TRIP4: variants seen among roughly 807,000 people sequenced by gnomAD.
TRIP4 encodes the protein activating signal cointegrator 1.
TRIP4 carries 54 observed loss-of-function variants against 81.8 expected under a neutral mutation model. That is an observed-to-expected ratio of 0.66 (90% CI 0.53 to 0.83). The LOEUF (loss-of-function observed/expected upper bound fraction) is 0.83. TRIP4 is among the 40% of genes least tolerant of loss of function. TRIP4 has a pLI of 0.00. For synonymous variants in TRIP4, 270 were observed against 242.8 expected, an observed-to-expected ratio of 1.11 and a Z score of -1.04; for missense variants, 662 against 683.6, an observed-to-expected ratio of 0.97 and a Z score of 0.35.
chr15:64,441,271 C>T (rs1892512578), intron 11 of TRIP4, among the ~76,000 whole-genome samples: 1 of 151,570 alleles, frequency 6.6e-6, no homozygotes, highest in Non-Finnish European at 1.5e-5. Flanking sequence ...GCTGGGATTA[C>T]AGGTGTGAGC....
chr15:64,445,197 T>C, intron 12 of TRIP4, 89 bp downstream of exon 12: 1 of 656,908 alleles, frequency 1.5e-6, no homozygotes. Flanking sequence ...AATCTATAAC[T>C]GACTGTGAAC....
chr15:64,423,751 A>G (rs748778495), intron 9 of TRIP4, among the ~76,000 whole-genome samples: 65 of 152,194 alleles, frequency 4.3e-4, no homozygotes, highest in Non-Finnish European at 8.4e-4. Flanking sequence ...TCAGGGTTCC[A>G]AATCTGAGTT....
At chr15:64,426,080 C>T (rs370045068) in intron 11 of TRIP4, among the ~76,000 whole-genome samples, 20 of 151,560 alleles carry the variant, frequency 1.3e-4, no homozygotes, top group East Asian at 7.7e-4. Context: ...GAGATTCCTT[C>T]TGGGGGAAAA....
chr15:64,427,952 C>T (rs1296873473), intron 11 of TRIP4, among the ~76,000 whole-genome samples: 5 of 151,806 alleles, frequency 3.3e-5, no homozygotes, highest in Non-Finnish European at 7.4e-5. Flanking sequence ...TCTTCCTCCC[C>T]CCTCTTTTTT....
chr15:64,413,563 A>G (rs117263797), intron 7 of TRIP4, among the ~76,000 whole-genome samples: 2,262 of 151,796 alleles, frequency 0.015, 23 homozygotes, highest in Middle Eastern at 0.034. Context: ...TTTTCTTGGT[A>G]TTCTGGAACT....
At chr15:64,404,203 T>C (rs1043411991) in intron 5 of TRIP4, among the ~76,000 whole-genome samples, 1 of 151,898 alleles carries the variant, frequency 6.6e-6, no homozygotes, top group African/African-American at 2.4e-5. Context: ...AAAAAAAAAA[T>C]CATATTAATC....
chr15:64,441,700 G>A (rs1351213957), intron 11 of TRIP4, among the ~76,000 whole-genome samples: 1 of 152,118 alleles, frequency 6.6e-6, no homozygotes, highest in Non-Finnish European at 1.5e-5. Flanking sequence ...GTGAACCCGG[G>A]AGATGGAGCT....
Position 64,397,711 on chromosome 15 carries a change from T to C in TRIP4, c.511T>C (p.Cys171Arg). Residue 171 changes from cysteine (C) to arginine (R), a missense_variant, in exon 4 of 13, where the codon TGT becomes CGT. Cys to Arg is a radical substitution (Grantham distance 180). Transcript: ENST00000261884. The stretch of plus-strand genomic sequence containing the variant: ...AGTCCTGCTCCCTGGTCGTCACCCT[T>C]GTGATTGCCTGGGCCAGAAGCACAA... ...LAVLLPGRHP[C>R]DCLGQKHKLI... 6.2e-7 allele frequency: 1 copy of C among 1,614,250 alleles called. No homozygotes were observed. The highest frequency in any genetic ancestry group is 8.5e-7 in the Non-Finnish European group (1 of 1,180,040).
intron 8 of TRIP4, among the ~76,000 whole-genome samples, chr15:64,415,383 G>A (rs1028615692): frequency 2.6e-5 from 4 of 152,144 alleles, no homozygotes; most frequent in Non-Finnish European, 4.4e-5. Context: ...CTGTAACAAA[G>A]TACCACAAAT....
rs572490744 is a variant in TRIP4, at chr15:64,417,730, C to T, written c.1171-811C>T. 3.3e-5 allele frequency among the ~76,000 whole-genome samples: 5 copies of T among 152,294 alleles called. No homozygotes were observed. The East Asian group carries it at 9.7e-4, about 29-fold the overall frequency. ...TTCATTTCAGGGTAAGAGAATATTT[C>T]ATGCATCCAGTAGTCAGAACTGCTG... is the stretch of plus-strand genomic sequence containing the variant. On this transcript the variant is annotated intron_variant, in intron 8 of 12. Transcript: ENST00000261884.
chr15:64,391,642 G>A (rs1212015453), intron 1 of TRIP4, among the ~76,000 whole-genome samples: 1 of 151,872 alleles, frequency 6.6e-6, no homozygotes, highest in Non-Finnish European at 1.5e-5. Context: ...TTATTCAAAT[G>A]GTTCTGAAAC....
chr15:64,409,268 G>A (rs1891705829), intron 6 of TRIP4, among the ~76,000 whole-genome samples: 1 of 152,022 alleles, frequency 6.6e-6, no homozygotes, highest in African/African-American at 2.4e-5. Context: ...AATAAGCCTA[G>A]CAAGAATAGG....
At chr15:64,397,905 GT>G (rs978127889) in intron 4 of TRIP4, 87 bp downstream of exon 4, 191 of 1,416,766 alleles carry the variant, frequency 1.3e-4, no homozygotes, top group Admixed American at 2.0e-4. Context: ...CTCTTTTTTT[GT>G]TTTTTTTTGG....
At chr15:64,396,274 T>C in intron 3 of TRIP4, among the ~76,000 whole-genome samples, 1 of 14,876 alleles carries the variant, frequency 6.7e-5, no homozygotes, top group Non-Finnish European at 8.9e-4. Context: ...TGCTTTTTTT[T>C]TTTTTTTTTT....
At chr15:64,430,628 G>A (rs1367057294) in intron 11 of TRIP4, among the ~76,000 whole-genome samples, 1 of 152,202 alleles carries the variant, frequency 6.6e-6, no homozygotes, top group East Asian at 1.9e-4. Context: ...TTGTTTCTAC[G>A]TGTCTGTGTT....
intron 12 of TRIP4, chr15:64,450,844 C>T: frequency 5.2e-6 from 2 of 386,100 alleles, no homozygotes; most frequent in Non-Finnish European, 1.1e-5. Flanking sequence ...GAGCTGGTCT[C>T]ACTTGAGGGC....
At position 64,409,479 on chromosome 15, in the gene TRIP4, G is replaced by C. The variant is rs1891710739; in HGVS notation, c.828-134G>C. 4.0e-6 allele frequency: 3 copies of C among 753,336 alleles called. No homozygotes were observed. In the South Asian group the frequency reaches 5.3e-5, roughly 13 times the overall value. 46.7% of individuals were successfully genotyped at this position (753,336 alleles called of 1,614,324 possible). A position where few individuals can be genotyped will look rare whatever the true frequency, so the allele number is the denominator to read the frequency against. On this transcript the variant is annotated intron_variant, in intron 6 of 12. Transcript: ENST00000261884. ...TTCTAGGAGCTGAGCCTACACTGGA[G>C]ATAAAACATATGCAGAGCTTGACCT...
intron 6 of TRIP4, among the ~76,000 whole-genome samples, chr15:64,409,298 G>A (rs967214017): frequency 2.0e-5 from 3 of 152,142 alleles, no homozygotes; most frequent in African/African-American, 7.2e-5. Context: ...AGTTACAGAG[G>A]GACTAGGATA....
chr15:64,454,970 A>G, intron 12 of TRIP4, 27 bp from the exon 13 acceptor site: 1 of 1,605,766 alleles, frequency 6.2e-7, no homozygotes, highest in South Asian at 1.1e-5. Flanking sequence ...AAAAATAAAT[A>G]ATGAGACTTA....
Sources: gnomAD v4.1 joint callset for allele counts (sites outside exome capture counted in the v4.1 genomes callset) on GRCh38, gnomAD v4.1.1 for gene constraint, MANE v1.5 for transcripts, NCBI Gene and HGNC (gene_info 2026-07-23, HGNC 2026-07-21) for gene names.